The following PARVB variants were observed in gnomAD, a reference collection of about 807,000 sequenced individuals.
PARVB encodes the protein parvin beta, also known as beta-parvin.
A neutral mutation model predicts 47.0 loss-of-function variants in PARVB; 46 were observed. The observed-to-expected ratio is 0.98, with a 90% CI of 0.77 to 1.25. The LOEUF (loss-of-function observed/expected upper bound fraction) is 1.25. Ranked by LOEUF, PARVB falls within the 50% of genes most tolerant of loss-of-function variation. The pLI, the probability that PARVB is intolerant of heterozygous loss-of-function variation, is 0.00. For missense variants in PARVB, 473 were observed against 471.6 expected (o/e 1.00, Z -0.03); for synonymous variants, 196 against 196.3 (o/e 1.00, Z 0.01).
At chr22:44,002,774 A>G (rs2050425873) in intron 2 of PARVB, among the ~76,000 whole-genome samples, 1 of 152,134 alleles carries the variant, frequency 6.6e-6, no homozygotes, top group South Asian at 2.1e-4. Flanking sequence ...CCTGGGGTCA[A>G]ACCAGTTGGC....
At chr22:44,034,409 G>T (rs147701224) in intron 1 of PARVB, among the ~76,000 whole-genome samples, 211 of 151,746 alleles carry the variant, frequency 1.4e-3, no homozygotes, top group African/African-American at 4.9e-3. Context: ...TGAGATGGGG[G>T]TCTTGCTGTG....
chr22:44,160,823 C>T (rs1243820750), intron 11 of PARVB, among the ~76,000 whole-genome samples: 1 of 152,176 alleles, frequency 6.6e-6, no homozygotes, highest in Non-Finnish European at 1.5e-5. Flanking sequence ...ACTGTTCTCT[C>T]ATGGTGTAGG....
intron 1 of PARVB, among the ~76,000 whole-genome samples, chr22:44,067,263 A>G (rs926466917): frequency 1.3e-5 from 2 of 152,238 alleles, no homozygotes; most frequent in African/African-American, 2.4e-5. Context: ...AGTGAATGAA[A>G]TGTTAGTTAG....
intron 12 of PARVB, among the ~76,000 whole-genome samples, chr22:44,164,710 C>T (rs2054128902): frequency 2.0e-5 from 3 of 152,282 alleles, no homozygotes; most frequent in African/African-American, 7.2e-5. Flanking sequence ...ACCGTGGCCC[C>T]CTACCTAGCC....
chr22:44,111,506 G>A (rs1182538931), intron 3 of PARVB: 1 of 119,528 alleles, frequency 8.4e-6, no homozygotes, highest in African/African-American at 3.3e-5. Flanking sequence ...CTGGAGTGCA[G>A]TGTCACCATC....
chr22:44,122,221 G>T lies in PARVB; in HGVS notation c.376+3081G>T, dbSNP rs563729955. ...CCTTGAAAGGTCTTAGCCAGGTGTGGTGGCTCAGCCTATCATCCCAGCACC... is the reference window on the plus strand; with the variant it reads ...CCTTGAAAGGTCTTAGCCAGGTGTGTTGGCTCAGCCTATCATCCCAGCACC... On this transcript the variant is annotated intron_variant, in intron 4 of 12. Transcript: ENST00000338758. Among the ~76,000 whole-genome samples the T allele has an allele frequency of 1.7e-4, 26 of 152,270 alleles. No individual in the cohort carries two copies. In the South Asian group the frequency reaches 5.2e-3, roughly 30 times the overall value.
At chr22:44,045,137 G>C (rs1384055783) in intron 1 of PARVB, among the ~76,000 whole-genome samples, 1 of 152,082 alleles carries the variant, frequency 6.6e-6, no homozygotes, top group East Asian at 1.9e-4. Flanking sequence ...AGGTGCCCCT[G>C]CAGGGGCAGG....
chr22:44,134,057 G>A (rs117410892), intron 6 of PARVB, among the ~76,000 whole-genome samples: 1,903 of 152,192 alleles, frequency 0.013, 21 homozygotes, highest in Middle Eastern at 0.054. Flanking sequence ...TATTTTACTC[G>A]AGACATCCGG....
chr22:44,034,327 TATATATGTTTGAGATGGGGGTCTTTATAC>T (rs1449234048), intron 1 of PARVB, among the ~76,000 whole-genome samples: 15 of 150,384 alleles, frequency 1.0e-4, no homozygotes, highest in Non-Finnish European at 1.9e-4. Context: ...TCTTTATACA[TATATATGTTTGAGATGGGGGTCTTTATAC>T]ATATATATTT....
At position 44,089,084 on chromosome 22, in the gene PARVB, T is replaced by G. The variant is rs2052100288; in HGVS notation, c.113-4844T>G. Among the ~76,000 whole-genome samples the G allele has an allele frequency of 6.6e-6, 1 of 151,730 alleles. No homozygotes were observed. Among genetic ancestry groups the G allele is most frequent in the Non-Finnish European group, 1.5e-5 (1 of 67,948 alleles). ...CTGCCATCCCGGGCTGAGCGAGGAG[T>G]GCCCGTCTCCAGAGACAGTGTGCCA... is the stretch of plus-strand genomic sequence containing the variant. On this transcript the variant is annotated intron_variant, in intron 1 of 12. Transcript: ENST00000338758. This position sits in a 1 kb window ranked among gnomAD's most constrained non-coding sequence, Gnocchi z 4.0.
chr22:44,142,883 G>T (rs1357896175), intron 8 of PARVB: 1 of 152,252 alleles, frequency 6.6e-6, no homozygotes, highest in Non-Finnish European at 1.5e-5. Context: ...CGCAGGTTCC[G>T]AAGTCTCCTG....
chr22:44,145,088 C>T (rs2053635481), intron 8 of PARVB: 1 of 152,326 alleles, frequency 6.6e-6, no homozygotes, highest in African/African-American at 2.4e-5. Flanking sequence ...TGCGGAGGCT[C>T]TGGGGGACAG....
chr22:44,091,409 A>G (rs994755148), intron 1 of PARVB, among the ~76,000 whole-genome samples: 5 of 151,184 alleles, frequency 3.3e-5, no homozygotes, highest in Admixed American at 1.3e-4. Context: ...AGCCATCACC[A>G]CCACCCACCC....
intron 1 of PARVB, among the ~76,000 whole-genome samples, chr22:44,044,050 C>T (rs1054212860): frequency 1.3e-5 from 2 of 152,132 alleles, no homozygotes; most frequent in Non-Finnish European, 2.9e-5. Flanking sequence ...CCTCATTGAG[C>T]AAGTGACAAT....
At chr22:44,162,860 G>C (rs1038615374) in intron 11 of PARVB, 11 of 152,222 alleles carry the variant, frequency 7.2e-5, no homozygotes, top group African/African-American at 2.7e-4. Context: ...AGGTACATTT[G>C]GGGGCTGAGG....
At chr22:44,063,366 A>G (rs1009488684) in intron 1 of PARVB, among the ~76,000 whole-genome samples, 1 of 151,880 alleles carries the variant, frequency 6.6e-6, no homozygotes, top group Admixed American at 6.6e-5. Context: ...AGCTGGGACT[A>G]CAGGTGTGCA....
chr22:44,045,051 C>T (rs1428140735), intron 1 of PARVB, among the ~76,000 whole-genome samples: 1 of 151,980 alleles, frequency 6.6e-6, no homozygotes, highest in Non-Finnish European at 1.5e-5. Flanking sequence ...CCAGCCTGGT[C>T]AACATAGCAA....
At chr22:44,052,071 G>T (rs2146939858) in intron 1 of PARVB, among the ~76,000 whole-genome samples, 2 of 152,330 alleles carry the variant, frequency 1.3e-5, no homozygotes, top group Middle Eastern at 6.8e-3. Context: ...AACTGGGAGA[G>T]AATCGACGTC....
chr22:44,053,128 G>C (rs1467508652), intron 1 of PARVB, among the ~76,000 whole-genome samples: 1 of 147,436 alleles, frequency 6.8e-6, no homozygotes, highest in Non-Finnish European at 1.5e-5. Context: ...CTGTCTCCCA[G>C]GCTGGAGTGC....
Sources: allele counts gnomAD v4.1 joint callset (sites outside exome capture counted in the v4.1 genomes callset), GRCh38; gene constraint gnomAD v4.1.1; non-coding constraint Gnocchi (gnomAD v3.1); transcripts MANE v1.5; gene names NCBI Gene and HGNC (gene_info 2026-07-23, HGNC 2026-07-21).